The following CPNE4 variants were observed in gnomAD, a reference collection of about 807,000 sequenced individuals.
CPNE4 encodes the protein copine-4.
In CPNE4, 25 loss-of-function variants were observed where a neutral mutation model predicts 67.9. That is an observed-to-expected ratio of 0.37 (90% confidence interval 0.27 to 0.51). The LOEUF (loss-of-function observed/expected upper bound fraction) is 0.51. Ranked by LOEUF, CPNE4 falls within the 20% of genes least tolerant of loss-of-function variation. The pLI, the probability that CPNE4 is intolerant of heterozygous loss-of-function variation, is 0.93. For synonymous variants in CPNE4, 242 were observed against 244.9 expected (o/e 0.99, Z 0.11); for missense variants, 464 against 690.8 (o/e 0.67, Z 3.68).
chr3:131,894,720 G>T (rs2088254601), intron 2 of CPNE4, among the ~76,000 whole-genome samples: 1 of 151,926 alleles, frequency 6.6e-6, no homozygotes, highest in Non-Finnish European at 1.5e-5. Flanking sequence ...AATAAGTGTT[G>T]GCAAGGATGT....
intron 2 of CPNE4, among the ~76,000 whole-genome samples, chr3:131,810,019 G>A (rs768561510): frequency 7.4e-4 from 113 of 152,098 alleles, no homozygotes; most frequent in Non-Finnish European, 1.0e-3. Flanking sequence ...AGAGGAGGAC[G>A]AGGAGGAGGA....
intron 2 of CPNE4, among the ~76,000 whole-genome samples, chr3:131,899,648 G>C (rs377001485): frequency 2.0e-5 from 3 of 152,024 alleles, no homozygotes; most frequent in Admixed American, 2.0e-4. Flanking sequence ...TTTTATTGCA[G>C]AGTAATTGTG....
At chr3:131,666,043 G>T (rs1455702996) in intron 7 of CPNE4, among the ~76,000 whole-genome samples, 1 of 152,022 alleles carries the variant, frequency 6.6e-6, no homozygotes, top group Non-Finnish European at 1.5e-5. Flanking sequence ...AAAAAAACAG[G>T]TAAAATATCC....
chr3:131,773,809 A>T (rs2083228740), intron 2 of CPNE4, among the ~76,000 whole-genome samples: 1 of 152,122 alleles, frequency 6.6e-6, no homozygotes, highest in African/African-American at 2.4e-5. Context: ...ATAACTGTGA[A>T]ATCTCGCATC....
At chr3:131,539,748 A>G (rs946730348) in intron 15 of CPNE4, among the ~76,000 whole-genome samples, 1 of 152,160 alleles carries the variant, frequency 6.6e-6, no homozygotes. Flanking sequence ...TGGGGAAGTT[A>G]ATGAATCTCC....
intron 1 of CPNE4, among the ~76,000 whole-genome samples, chr3:131,979,565 T>C (rs1029231138): frequency 2.0e-5 from 3 of 152,210 alleles, no homozygotes; most frequent in African/African-American, 2.4e-5. Context: ...TTTAAACTTA[T>C]GTGAGGCCTT....
intron 2 of CPNE4, among the ~76,000 whole-genome samples, chr3:131,799,139 T>C (rs2084002143): frequency 6.6e-6 from 1 of 152,126 alleles, no homozygotes. Context: ...ATACCACGGA[T>C]ATGTTTTTAA....
At chr3:131,712,945 A>G (rs566581692) in intron 3 of CPNE4, among the ~76,000 whole-genome samples, 1 of 152,324 alleles carries the variant, frequency 6.6e-6, no homozygotes, top group African/African-American at 2.4e-5. Flanking sequence ...GGAAACAACA[A>G]AAGTGGGAGC....
intron 3 of CPNE4, among the ~76,000 whole-genome samples, chr3:131,716,697 G>C (rs963888101): frequency 5.3e-5 from 8 of 152,136 alleles, no homozygotes; most frequent in Non-Finnish European, 7.4e-5. Flanking sequence ...CTCCATGCCG[G>C]GGGCTCTGTT....
At chr3:131,755,389 A>C (rs1034145609) in intron 2 of CPNE4, among the ~76,000 whole-genome samples, 2 of 152,174 alleles carry the variant, frequency 1.3e-5, no homozygotes, top group African/African-American at 4.8e-5. Flanking sequence ...CCTGTGACAG[A>C]TGACTATTGC....
At chr3:131,816,343 T>C (rs1437781691) in intron 2 of CPNE4, among the ~76,000 whole-genome samples, 1 of 152,204 alleles carries the variant, frequency 6.6e-6, no homozygotes, top group African/African-American at 2.4e-5. Flanking sequence ...CTTTTTATTG[T>C]TGTTACTTTC....
At chr3:131,819,497 C>CAT (rs983944192) in intron 2 of CPNE4, among the ~76,000 whole-genome samples, 10 of 148,292 alleles carry the variant, frequency 6.7e-5, no homozygotes, top group African/African-American at 2.0e-4. Context: ...CAGATACACA[C>CAT]ACACACACAC....
At chr3:131,676,717 C>CT (rs962096838) in intron 6 of CPNE4, among the ~76,000 whole-genome samples, 1 of 152,068 alleles carries the variant, frequency 6.6e-6, no homozygotes, top group Non-Finnish European at 1.5e-5. Flanking sequence ...TGATCTCATT[C>CT]TTTTTTATGG....
chr3:132,036,277 T>C (rs1172387912), upstream of CPNE4, among the ~76,000 whole-genome samples: 1 of 152,200 alleles, frequency 6.6e-6, no homozygotes, highest in Non-Finnish European at 1.5e-5. Flanking sequence ...TTGGGTCACA[T>C]GGCTATGCAT....
At chr3:131,955,422 T>TTTTTTTTTTG (rs2071928503) in intron 1 of CPNE4, among the ~76,000 whole-genome samples, 2 of 129,040 alleles carry the variant, frequency 1.5e-5, no homozygotes, top group African/African-American at 6.4e-5. Flanking sequence ...TTTTTTTTTT[T>TTTTTTTTTTG]TTTTTTTTTT....
At chr3:131,849,506 T>C (rs961344275) in intron 2 of CPNE4, among the ~76,000 whole-genome samples, 1 of 152,034 alleles carries the variant, frequency 6.6e-6, no homozygotes, top group Non-Finnish European at 1.5e-5. Context: ...TCACTCTATA[T>C]TACAAGACCA....
At chr3:131,950,528 C>A (rs1018973274) in intron 1 of CPNE4, among the ~76,000 whole-genome samples, 1 of 152,180 alleles carries the variant, frequency 6.6e-6, no homozygotes. Context: ...CAGCTGGGAA[C>A]ATGCATGTCA....
chr3:131,781,457 C>T (rs1260021564), intron 2 of CPNE4, among the ~76,000 whole-genome samples: 2 of 151,906 alleles, frequency 1.3e-5, no homozygotes, highest in African/African-American at 4.8e-5. Context: ...CAGGAATGAA[C>T]AAATAATAAA....
intron 5 of CPNE4, among the ~76,000 whole-genome samples, chr3:131,695,281 A>C (rs2081125009): frequency 6.6e-6 from 1 of 152,212 alleles, no homozygotes; most frequent in Admixed American, 6.5e-5. Flanking sequence ...GACAATCAGT[A>C]CAGCCAATGG....
Sources: allele counts gnomAD v4.1 joint callset (sites outside exome capture counted in the v4.1 genomes callset), GRCh38; gene constraint gnomAD v4.1.1; transcripts MANE v1.5; gene names NCBI Gene and HGNC (gene_info 2026-07-23, HGNC 2026-07-21).